PCDHA9: variants seen among roughly 807,000 people sequenced by gnomAD.
PCDHA9 encodes the protein protocadherin alpha 9, also known as protocadherin alpha-9.
Under a neutral mutation model 62.0 loss-of-function variants are expected in PCDHA9, and 62 were observed. The ratio of observed to expected loss-of-function variants is 1.00; its 90% confidence interval spans 0.81 to 1.23. PCDHA9 has a LOEUF of 1.23. PCDHA9 is among the 50% of genes most tolerant of loss of function. The pLI, the probability that PCDHA9 is intolerant of heterozygous loss-of-function variation, is 0.00. For synonymous variants in PCDHA9, 557 were observed against 567.6 expected (o/e 0.98, Z 0.27); for missense variants, 1,205 against 1,249.8 (o/e 0.96, Z 0.54).
chr5:140,979,058 C>A, intron 2 of PCDHA9, 51 bp downstream of exon 2: 3 of 1,606,096 alleles, frequency 1.9e-6, no homozygotes, highest in Non-Finnish European at 2.6e-6. Context: ...CTTGGTATGG[C>A]TCAGATAAAC....
At chr5:140,866,708 C>G (rs781977454) in intron 1 of PCDHA9, 2 of 152,102 alleles carry the variant, frequency 1.3e-5, no homozygotes, top group African/African-American at 2.4e-5. Flanking sequence ...ATGACGTGCA[C>G]TAGTAAGACA....
chr5:140,984,365 C>G (rs2097099251), intron 3 of PCDHA9, among the ~76,000 whole-genome samples: 1 of 152,128 alleles, frequency 6.6e-6, no homozygotes. Flanking sequence ...TACATCTGGC[C>G]AAGTCCCTCT....
intron 1 of PCDHA9, chr5:140,884,363 T>A (rs1444938392): frequency 6.2e-7 from 1 of 1,613,818 alleles, no homozygotes; most frequent in African/African-American, 1.3e-5. Context: ...TGTCAATGTT[T>A]ACTTGATCAT....
At chr5:141,005,985 T>C (rs2098249971) in intron 3 of PCDHA9, among the ~76,000 whole-genome samples, 1 of 151,848 alleles carries the variant, frequency 6.6e-6, no homozygotes, top group Non-Finnish European at 1.5e-5. Context: ...AAAGAGTGTT[T>C]GAGGATCTGA....
At chr5:140,973,984 C>CT (rs2096610197) in intron 1 of PCDHA9, among the ~76,000 whole-genome samples, 1 of 152,186 alleles carries the variant, frequency 6.6e-6, no homozygotes, top group East Asian at 1.9e-4. Flanking sequence ...TTTTACAGAA[C>CT]TTCACCTGGA....
intron 1 of PCDHA9, chr5:140,877,310 C>G (rs371801888): frequency 6.2e-7 from 1 of 1,613,938 alleles, no homozygotes; most frequent in Non-Finnish European, 8.5e-7. Flanking sequence ...GAGTTGCAAC[C>G]GGCGGCGGTC....
At chr5:140,926,117 A>G (rs2082917656) in intron 1 of PCDHA9, among the ~76,000 whole-genome samples, 1 of 152,190 alleles carries the variant, frequency 6.6e-6, no homozygotes, top group Admixed American at 6.5e-5. Flanking sequence ...GGTGCAGGAC[A>G]GACTTCAACC....
At chr5:140,963,346 A>G (rs2095758163) in intron 1 of PCDHA9, among the ~76,000 whole-genome samples, 1 of 152,236 alleles carries the variant, frequency 6.6e-6, no homozygotes, top group Non-Finnish European at 1.5e-5. Flanking sequence ...TTGTAAATTT[A>G]GTTCTTTTCA....
intron 1 of PCDHA9, among the ~76,000 whole-genome samples, chr5:140,910,502 G>C (rs182167004): frequency 2.6e-4 from 39 of 152,266 alleles, no homozygotes. Flanking sequence ...CAATCACAAA[G>C]CTCTTCAAGG....
intron 1 of PCDHA9, among the ~76,000 whole-genome samples, chr5:140,941,198 T>TCTTCCTTTCTTC (rs1563184149): frequency 4.2e-5 from 5 of 119,808 alleles, no homozygotes; most frequent in African/African-American, 1.0e-4. Context: ...TTTTTTTCTT[T>TCTTCCTTTCTTC]CTTCCTTTCT....
At position 140,875,988 on chromosome 5, in the gene PCDHA9, A is replaced by G. The variant is rs144050089; in HGVS notation, c.2394+25099A>G. On this transcript the variant is annotated intron_variant, in intron 1 of 3. Transcript: ENST00000532602. ...TAAACTCTCTTTTGACCTATGCGTT[A>G]AGTCTAAATGAGAATTTTGAGCTTA... 4,280 of 1,614,014 alleles carry G rather than the reference A, an allele frequency of 2.7e-3. 13 individuals are homozygous for G. The highest frequency in any genetic ancestry group is 3.4e-3 in the Non-Finnish European group (4,021 of 1,179,898).
At chr5:140,870,139 T>C in intron 1 of PCDHA9, 1 of 1,613,992 alleles carries the variant, frequency 6.2e-7, no homozygotes, top group Non-Finnish European at 8.5e-7. Flanking sequence ...CAACGATAAC[T>C]CTCCTGAAGT....
intron 1 of PCDHA9, among the ~76,000 whole-genome samples, chr5:140,916,163 C>T (rs546851152): frequency 4.6e-5 from 7 of 152,184 alleles, no homozygotes; most frequent in Admixed American, 1.3e-4. Context: ...TGAATGCTGC[C>T]AGGCCTGGGA....
chr5:140,996,403 G>A (rs2097725218), intron 3 of PCDHA9, among the ~76,000 whole-genome samples: 2 of 152,216 alleles, frequency 1.3e-5, no homozygotes, highest in South Asian at 4.1e-4. Context: ...AGTTTCAGGT[G>A]GGGCAGGCAG....
At chr5:140,954,036 T>G (rs527853766) in intron 1 of PCDHA9, among the ~76,000 whole-genome samples, 170 of 152,342 alleles carry the variant, frequency 1.1e-3, no homozygotes, top group African/African-American at 3.9e-3. Context: ...GATGTGGTAT[T>G]TGGTTTTCTG....
rs35252606 is a variant in PCDHA9, at chr5:140,912,343, ATT to A, written c.2394+61468_2394+61469del. The stretch of plus-strand genomic sequence containing the variant: ...CTCAGTATTAACCAGTACACTAAGT[ATT>A]TTTTTTTTTTTTTGCAGCTGTTGTA... On this transcript the variant is annotated intron_variant, in intron 1 of 3. Transcript: ENST00000532602. 3.7e-3 allele frequency among the ~76,000 whole-genome samples: 528 copies of A among 143,760 alleles called. 4 individuals are homozygous for A. The highest frequency in any genetic ancestry group is 8.3e-3 in the East Asian group (41 of 4,940). 94.3% of individuals were successfully genotyped at this position (143,760 alleles called of 152,430 possible).
rs146952531 is a variant in PCDHA9 at position 140,951,754 on chromosome 5, G to A, written c.2395-27195G>A. Among the ~76,000 whole-genome samples the A allele has an allele frequency of 4.6e-3, 703 of 152,152 alleles. 3 individuals are homozygous for A. The highest frequency in any genetic ancestry group is 0.016 in the African/African-American group (681 of 41,502). ...TTCTGCCACTGCCCTCACCCTCCGC[G>A]AAATCTCATGACGTTCTTACATTGC... On this transcript the variant is annotated intron_variant, in intron 1 of 3. Transcript: ENST00000532602.
At chr5:140,912,908 A>T (rs986770915) in intron 1 of PCDHA9, among the ~76,000 whole-genome samples, 8 of 152,188 alleles carry the variant, frequency 5.3e-5, no homozygotes, top group African/African-American at 1.9e-4. Flanking sequence ...TATCATATTG[A>T]TTGATTTGTG....
intron 1 of PCDHA9, chr5:140,857,675 C>A: frequency 1.3e-6 from 2 of 1,597,044 alleles, no homozygotes; most frequent in Non-Finnish European, 1.7e-6. Context: ...GGGCGTGCCG[C>A]CTCTGGGCAG....
Sources: allele counts gnomAD v4.1 joint callset (sites outside exome capture counted in the v4.1 genomes callset), GRCh38; gene constraint gnomAD v4.1.1; transcripts MANE v1.5; gene names NCBI Gene and HGNC (gene_info 2026-07-23, HGNC 2026-07-21).